The following RC3H2 variants were observed in gnomAD, a reference collection of about 807,000 sequenced individuals.
The protein encoded by RC3H2 is roquin-2.
A neutral mutation model predicts 133.3 loss-of-function variants in RC3H2; 31 were observed. The observed-to-expected ratio is 0.23, with a 90% CI of 0.17 to 0.31. The LOEUF is 0.31. Ranked by LOEUF, RC3H2 falls within the 10% of genes least tolerant of loss-of-function variation. The probability of loss-of-function intolerance (pLI) is 1.00; values close to 1 mark genes in which losing one functional copy is unlikely to be tolerated. For synonymous variants in RC3H2, 517 were observed against 502.2 expected, an observed-to-expected ratio of 1.03 and a Z score of -0.40; for missense variants, 1,175 against 1,437.2, an observed-to-expected ratio of 0.82 and a Z score of 2.95.
intron 9 of RC3H2, among the ~76,000 whole-genome samples, chr9:122,868,281 C>T (rs1022912555): frequency 3.9e-5 from 6 of 152,136 alleles, no homozygotes; most frequent in Admixed American, 1.3e-4. Context: ...ATGACAATTG[C>T]GGTTTTGTGG....
intron 9 of RC3H2, among the ~76,000 whole-genome samples, chr9:122,871,548 C>T (rs1281673574): frequency 6.6e-6 from 1 of 151,334 alleles, no homozygotes; most frequent in African/African-American, 2.4e-5. Context: ...TAGTCCCGAT[C>T]TCCTGACCTT....
chr9:122,880,511 T>C, intron 6 of RC3H2, 83 bp downstream of exon 6: 1 of 1,055,126 alleles, frequency 9.5e-7, no homozygotes, highest in African/African-American at 1.6e-5. Flanking sequence ...CTCCAACTGT[T>C]TGTGTATAGA....
chr9:122,865,130 G>A (rs970409291), intron 10 of RC3H2, among the ~76,000 whole-genome samples: 40 of 152,084 alleles, frequency 2.6e-4, no homozygotes, highest in Non-Finnish European at 5.1e-4. Flanking sequence ...ACAAAACTCA[G>A]AGTTAAAGTC....
intron 8 of RC3H2, among the ~76,000 whole-genome samples, chr9:122,878,098 ATTAC>A (rs1475487523): frequency 1.3e-5 from 2 of 152,186 alleles, no homozygotes; most frequent in Admixed American, 6.6e-5. Flanking sequence ...AAATTTCACT[ATTAC>A]TTCTACAATT....
In RC3H2 at chr9:122,905,325, C is replaced by T. The variant is rs1224459742; in HGVS notation, c.-283G>A. ...CCCTCCACCTCCGCCTCCTCCTCCT[C>T]CTCCTCCTCACCACGGAGGCGGACC... On this transcript the variant is annotated 5_prime_UTR_variant, in exon 1 of 21. Transcript: ENST00000357244. The T allele has an allele frequency of 9.2e-6, 9 of 982,466 alleles. No homozygotes were observed. The highest frequency in any genetic ancestry group is 1.1e-5 in the Non-Finnish European group (9 of 826,984). 60.9% of individuals were successfully genotyped at this position (982,466 alleles called of 1,614,324 possible).
chr9:122,869,653 C>A (rs1830976159), intron 9 of RC3H2, among the ~76,000 whole-genome samples: 1 of 151,168 alleles, frequency 6.6e-6, no homozygotes, highest in Non-Finnish European at 1.5e-5. Context: ...ACCTCTGCTT[C>A]CCGGGTTCAA....
intron 1 of RC3H2, among the ~76,000 whole-genome samples, chr9:122,898,942 T>G (rs1296625585): frequency 6.6e-6 from 1 of 151,996 alleles, no homozygotes; most frequent in Non-Finnish European, 1.5e-5. Context: ...AATACTTTAT[T>G]TCACAGGAAT....
intron 14 of RC3H2, 111 bp from the exon 15 acceptor site, chr9:122,855,508 C>A: frequency 9.4e-7 from 1 of 1,065,058 alleles, no homozygotes. Flanking sequence ...TTAAAACTAG[C>A]TCTAGACTCA....
intron 11 of RC3H2, 81 bp downstream of exon 11, chr9:122,859,836 T>C (rs1365127715): frequency 1.7e-5 from 20 of 1,158,502 alleles, no homozygotes; most frequent in African/African-American, 3.1e-5. Flanking sequence ...TTTTTAAATG[T>C]AGACATTCTA....
At chr9:122,851,265 GTATTT>G (rs746737640) in intron 19 of RC3H2, 36 bp from the exon 20 acceptor site, 46 of 1,611,586 alleles carry the variant, frequency 2.9e-5, no homozygotes, top group Non-Finnish European at 3.8e-5. Context: ...CAGTATGAAA[GTATTT>G]TATAAATTTT....
At chr9:122,876,228 TG>T (rs1831329848) in intron 9 of RC3H2, among the ~76,000 whole-genome samples, 1 of 152,124 alleles carries the variant, frequency 6.6e-6, no homozygotes, top group African/African-American at 2.4e-5. Flanking sequence ...ATGGCTAAAC[TG>T]GGTACACGAG....
chr9:122,850,435 T>TATAG (rs6151170), intron 20 of RC3H2, among the ~76,000 whole-genome samples: 75 of 149,978 alleles, frequency 5.0e-4, no homozygotes, highest in South Asian at 1.7e-3. Flanking sequence ...GCTATCTATC[T>TATAG]ATAGATAGAT....
chr9:122,892,996 TACTTA>T lies in RC3H2; in HGVS notation c.257_261del (p.Leu86Ter). 1.9e-6 allele frequency: 3 copies of T among 1,611,112 alleles called. No homozygotes were observed. Among genetic ancestry groups the T allele is most frequent in the South Asian group, 1.1e-5 (1 of 90,910 alleles). ...TCATAGTGTTTATTCTCACCTAGAT[TACTTA>T]ACTTAATTGACTGATGATCTGGTAC... On this transcript the variant is annotated frameshift_variant, in exon 3 of 21. Coordinates refer to ENST00000357244, the MANE Select transcript of RC3H2 (RefSeq NM_001100588.3). LOFTEE classifies it high-confidence loss of function.
At position 122,892,420 on chromosome 9, in the gene RC3H2, C is replaced by CT. The variant is rs200904069; in HGVS notation, c.349+488dup. 8.2e-4 allele frequency among the ~76,000 whole-genome samples: 121 copies of CT among 147,404 alleles called. No individual in the cohort carries two copies. In the Middle Eastern group the frequency reaches 0.014, roughly 17 times the overall value. On this transcript the variant is annotated intron_variant, in intron 3 of 20. Transcript: ENST00000357244. The stretch of plus-strand genomic sequence containing the variant: ...GAAGCCACCACACCCAGCTTGAATT[C>CT]TTTTTTTTTTGAGACAGTCTTGCTC...
Position 122,855,970 on chromosome 9 carries a change from G to A in RC3H2, c.2455-92C>T, listed in dbSNP as rs961611451. 19 of 943,144 alleles carry A rather than the reference G, an allele frequency of 2.0e-5. No homozygotes were observed. In the East Asian group the frequency reaches 3.8e-4, roughly 19 times the overall value. 58.4% of individuals were successfully genotyped at this position (943,144 alleles called of 1,614,324 possible). On this transcript the variant is annotated intron_variant, in intron 13 of 20. Transcript: ENST00000357244. ...TAAAGTAACTATTATAGAATTCAGAGGACTTCATAGCAAACAATTATACTT... is the reference window on the plus strand; with the variant it reads ...TAAAGTAACTATTATAGAATTCAGAAGACTTCATAGCAAACAATTATACTT...
intron 4 of RC3H2, 43 bp downstream of exon 4, chr9:122,890,268 GC>G: frequency 6.6e-7 from 1 of 1,504,480 alleles, no homozygotes; most frequent in Non-Finnish European, 9.2e-7. Context: ...GCATCCTCAA[GC>G]CCCAATAGCT....
intron 14 of RC3H2, 115 bp downstream of exon 14, chr9:122,855,617 T>TA: frequency 8.5e-7 from 1 of 1,179,296 alleles, no homozygotes. Context: ...ACCCTGCTGC[T>TA]ACTGAGTTAT....
chr9:122,849,774 T>G lies in RC3H2; in HGVS notation c.3429A>C (p.Pro1143=), dbSNP rs761231075. The change falls in exon 21 of 21, where the codon CCA becomes CCC. Residue 1143 remains proline, a synonymous_variant. Transcript: ENST00000357244. ...TTGCATTGCTAATAGACACTGGGAGTGGCTGGCTAAAGCAAGAAGTTACCG... is the reference window on the plus strand; with the variant it reads ...TTGCATTGCTAATAGACACTGGGAGGGGCTGGCTAAAGCAAGAAGTTACCG... ...ILPVTSCFSQ[P]LPVSISNASC... The G allele has an allele frequency of 1.5e-4, 240 of 1,589,682 alleles. No individual in the cohort carries two copies. The highest frequency in any genetic ancestry group is 1.6e-4 in the Non-Finnish European group (191 of 1,169,004).
intron 18 of RC3H2, chr9:122,853,666 C>T (rs546215255): frequency 6.4e-6 from 4 of 627,570 alleles, no homozygotes; most frequent in Admixed American, 3.4e-5. Flanking sequence ...GCAGGAGAAT[C>T]GCTTGAACCT....
Sources: allele counts gnomAD v4.1 joint callset (sites outside exome capture counted in the v4.1 genomes callset), GRCh38; gene constraint gnomAD v4.1.1; transcripts MANE v1.5; gene names NCBI Gene and HGNC (gene_info 2026-07-23, HGNC 2026-07-21).